Variants in ZNG1A observed in about 807,000 individuals in gnomAD.
ZNG1A encodes the protein Zn regulated GTPase metalloprotein activator 1A, also known as zinc-regulated GTPase metalloprotein activator 1A.
the ZNG1A span, chr9:149,363 C>A: frequency 6.6e-6 from 1 of 150,874 alleles, no homozygotes; most frequent in Non-Finnish European, 1.5e-5. Context: ...GTTTTCTAGC[C>A]ATTCTAAAAA....
the ZNG1A span, chr9:167,722 G>C: frequency 1.3e-5 from 2 of 149,422 alleles, no homozygotes; most frequent in South Asian, 2.2e-4. Context: ...ACAATGGCCT[G>C]TAAGTGTTCA....
chr9:129,248 C>CATGAGATATTTA, the ZNG1A span, among the ~76,000 whole-genome samples: 1 of 152,256 alleles, frequency 6.6e-6, no homozygotes, highest in East Asian at 1.9e-4. Flanking sequence ...TGCCCAAAAA[C>CATGAGATATTTA]ATGAGATATT....
the ZNG1A span, among the ~76,000 whole-genome samples, chr9:140,463 G>C: frequency 2.0e-5 from 3 of 151,350 alleles, no homozygotes; most frequent in African/African-American, 7.3e-5. Context: ...GTGTCTGTTA[G>C]AAGGAAAACT....
the ZNG1A span, chr9:178,699 G>A: frequency 4.2e-4 from 437 of 1,032,360 alleles, 30 homozygotes; most frequent in African/African-American, 5.3e-3. Context: ...CCCCGACCTC[G>A]AAGACATTTG....
chr9:167,011 A>G, the ZNG1A span: 6 of 152,108 alleles, frequency 3.9e-5, no homozygotes, highest in Admixed American at 2.6e-4. Flanking sequence ...TAATTTAGGG[A>G]AAAATGATTA....
At chr9:158,409 A>C in the ZNG1A span, among the ~76,000 whole-genome samples, 15 of 151,710 alleles carry the variant, frequency 9.9e-5, no homozygotes, top group Non-Finnish European at 2.1e-4. Context: ...TTCTTTTTAA[A>C]CTGAAATATT....
At chr9:178,754 C>T in the ZNG1A span, 92 of 1,009,458 alleles carry the variant, frequency 9.1e-5, 17 homozygotes, top group African/African-American at 1.3e-3. Flanking sequence ...GAGGCACCGG[C>T]AGCCCGCAAA....
the ZNG1A span, among the ~76,000 whole-genome samples, chr9:142,085 T>G: frequency 2.8e-5 from 4 of 144,978 alleles, no homozygotes; most frequent in East Asian, 6.3e-4. Context: ...TCCCACACAA[T>G]AATAATGGGA....
At chr9:160,175 G>A in the ZNG1A span, 2 of 454,434 alleles carry the variant, frequency 4.4e-6, no homozygotes, top group African/African-American at 4.0e-5. Flanking sequence ...ACATCAATGG[G>A]TGACAATCCC....
the ZNG1A span, among the ~76,000 whole-genome samples, chr9:163,557 T>C: frequency 6.6e-6 from 1 of 151,780 alleles, no homozygotes; most frequent in African/African-American, 2.4e-5. Flanking sequence ...AGAACAACAA[T>C]GCAAGGAATT....
the ZNG1A span, among the ~76,000 whole-genome samples, chr9:129,277 G>C: frequency 6.6e-6 from 1 of 152,092 alleles, no homozygotes; most frequent in African/African-American, 2.4e-5. Context: ...ACTGTTACTA[G>C]TAATAGGAAA....
chr9:133,966 G>A, the ZNG1A span, among the ~76,000 whole-genome samples: 4 of 114,302 alleles, frequency 3.5e-5, no homozygotes, highest in Non-Finnish European at 7.1e-5. Context: ...GAAAGTGAGC[G>A]CTGCGTTTGC....
chr9:151,134 A>C, the ZNG1A span: 1 of 985,206 alleles, frequency 1.0e-6, no homozygotes, highest in South Asian at 4.7e-5. Context: ...GACTTACACT[A>C]AGGGCATTCT....
chr9:177,751 G>C, the ZNG1A span: 1 of 1,536,980 alleles, frequency 6.5e-7, no homozygotes, highest in Non-Finnish European at 8.8e-7. Context: ...AGGCCCGAGC[G>C]GCACGTTTGA....
At chr9:172,370 T>C in the ZNG1A span, 3 of 579,972 alleles carry the variant, frequency 5.2e-6, no homozygotes, top group African/African-American at 1.9e-5. Flanking sequence ...ATATATATAA[T>C]AGGTAAAAAG....
At chr9:139,048 T>C in the ZNG1A span, among the ~76,000 whole-genome samples, 1 of 149,620 alleles carries the variant, frequency 6.7e-6, no homozygotes, top group East Asian at 2.0e-4. Context: ...TGATCTTCTA[T>C]GGACATATAC....
the ZNG1A span, among the ~76,000 whole-genome samples, chr9:152,397 C>T: frequency 6.6e-6 from 1 of 152,092 alleles, no homozygotes; most frequent in African/African-American, 2.4e-5. Flanking sequence ...CATAAATAGT[C>T]AGTTATCCTA....
the ZNG1A span, among the ~76,000 whole-genome samples, chr9:141,638 C>A: frequency 6.7e-6 from 1 of 148,188 alleles, no homozygotes; most frequent in South Asian, 2.2e-4. Flanking sequence ...ATCAACTAAC[C>A]AGCAAAATAA....
chr9:129,243 A>C, the ZNG1A span, among the ~76,000 whole-genome samples: 1 of 152,188 alleles, frequency 6.6e-6, no homozygotes, highest in Admixed American at 6.5e-5. Flanking sequence ...TAGAATGCCC[A>C]AAAACATGAG....
Sources: gnomAD v4.1 joint callset for allele counts (sites outside exome capture counted in the v4.1 genomes callset) on GRCh38, gnomAD v4.1.1 for gene constraint, MANE v1.5 for transcripts, NCBI Gene and HGNC (gene_info 2026-07-23, HGNC 2026-07-21) for gene names.